ADGRL3: variants seen among roughly 807,000 people sequenced by gnomAD.
ADGRL3 encodes calcium-independent alpha-latrotoxin receptor 3.
ADGRL3 carries 62 observed loss-of-function variants against 153.5 expected under a neutral mutation model. The ratio of observed to expected loss-of-function variants is 0.40; its 90% confidence interval spans 0.33 to 0.50. The LOEUF is 0.50. Ranked by LOEUF, ADGRL3 falls within the 20% of genes least tolerant of loss-of-function variation. The pLI is 0.47. For missense variants in ADGRL3, 1,641 were observed against 1,859.4 expected (o/e 0.88, Z 2.16); for synonymous variants, 710 against 672.5 (o/e 1.06, Z -0.86).
At chr4:61,967,328 A>G (rs1276779564) in intron 17 of ADGRL3, among the ~76,000 whole-genome samples, 2 of 152,186 alleles carry the variant, frequency 1.3e-5, no homozygotes, top group African/African-American at 4.8e-5. Flanking sequence ...ATTTAATAAA[A>G]TAACTATGGC....
rs112855067 is a variant in ADGRL3 at position 61,389,217 on chromosome 4, C to A, written c.-174+6028C>A. Among the ~76,000 whole-genome samples, 868 of 152,184 alleles carry A rather than the reference C, an allele frequency of 5.7e-3. 6 individuals are homozygous for A. Among genetic ancestry groups the A allele is most frequent in the African/African-American group, 0.02 (823 of 41,502 alleles). Reference sequence around the variant, plus strand: ...ATGAGAAAGATCCAGTTTAACACAACAACAATGGGGATTGAGTGGGAGTAA... The same window carrying A: ...ATGAGAAAGATCCAGTTTAACACAAAAACAATGGGGATTGAGTGGGAGTAA... On this transcript the variant is annotated intron_variant, in intron 2 of 26. Transcript: ENST00000683033.
At chr4:61,558,853 A>G (rs1212497679) in intron 4 of ADGRL3, among the ~76,000 whole-genome samples, 2 of 152,044 alleles carry the variant, frequency 1.3e-5, no homozygotes, top group African/African-American at 2.4e-5. Context: ...ATCATTTTCT[A>G]GGCCACAAAG....
chr4:61,992,770 G>A lies in ADGRL3; in HGVS notation c.3237-3521G>A, dbSNP rs538695509. The stretch of plus-strand genomic sequence containing the variant: ...ATTTTGAAATGCTCCTTTACATTTA[G>A]AAAAGATCACTATGCCAAAAGCACA... On this transcript the variant is annotated intron_variant, in intron 19 of 26. Coordinates refer to ENST00000683033, the MANE Select transcript of ADGRL3 (RefSeq NM_001387552.1). Among the ~76,000 whole-genome samples, 235 of 152,134 alleles carry A rather than the reference G, an allele frequency of 1.5e-3. 2 individuals are homozygous for A. Among genetic ancestry groups the A allele is most frequent in the African/African-American group, 5.5e-3 (229 of 41,524 alleles).
intron 1 of ADGRL3, among the ~76,000 whole-genome samples, chr4:61,287,935 T>A (rs1418151284): frequency 1.3e-5 from 2 of 152,000 alleles, no homozygotes; most frequent in Non-Finnish European, 2.9e-5. Context: ...TGAGCGGGCC[T>A]TAGCTTAAAG....
At chr4:61,503,211 TA>T (rs892871399) in intron 3 of ADGRL3, among the ~76,000 whole-genome samples, 38 of 152,022 alleles carry the variant, frequency 2.5e-4, no homozygotes, top group African/African-American at 8.9e-4. Flanking sequence ...AATTGGAAAA[TA>T]ATTTTTTTTT....
intron 21 of ADGRL3, among the ~76,000 whole-genome samples, chr4:62,002,224 G>A (rs536268136): frequency 1.6e-4 from 23 of 147,866 alleles, no homozygotes; most frequent in African/African-American, 5.8e-4. Flanking sequence ...CTGAAGGTCG[G>A]ACTTCCTGCC....
At chr4:61,513,145 T>C (rs1021333721) in intron 3 of ADGRL3, among the ~76,000 whole-genome samples, 11 of 152,172 alleles carry the variant, frequency 7.2e-5, no homozygotes, top group African/African-American at 2.4e-4. Flanking sequence ...CTCACTGTTA[T>C]GATTAATAGC....
intron 17 of ADGRL3, among the ~76,000 whole-genome samples, chr4:61,964,502 A>G (rs1215769515): frequency 6.6e-6 from 1 of 152,044 alleles, no homozygotes. Flanking sequence ...TTTAGAAGTG[A>G]CAGACTCTTT....
chr4:61,330,700 C>T (rs1465272201), intron 1 of ADGRL3, among the ~76,000 whole-genome samples: 2 of 152,056 alleles, frequency 1.3e-5, no homozygotes, highest in African/African-American at 2.4e-5. Flanking sequence ...TTGTAAAGAG[C>T]GAAAGAACAA....
In ADGRL3 at chr4:61,587,366, T is replaced by C; in HGVS notation, c.399T>C (p.Ile133=). Residue 133 remains isoleucine, a synonymous_variant, in exon 5 of 27, where the codon ATT becomes ATC. Coordinates refer to ENST00000683033, the MANE Select transcript of ADGRL3 (RefSeq NM_001387552.1). The part of the protein sequence containing the change: ...SANYGRTDDK[I]CDSDPAQMEN... ...ACTATGGCAGGACTGATGACAAAATTTGTGACTCTGACCCTGCTCAGATGG... is the reference window on the plus strand; with the variant it reads ...ACTATGGCAGGACTGATGACAAAATCTGTGACTCTGACCCTGCTCAGATGG... The C allele has an allele frequency of 1.9e-6, 3 of 1,612,562 alleles. No homozygotes were observed. Among genetic ancestry groups the C allele is most frequent in the South Asian group, 2.2e-5 (2 of 91,046 alleles).
chr4:61,570,694 AT>A (rs1278895102), intron 4 of ADGRL3, among the ~76,000 whole-genome samples: 1 of 151,976 alleles, frequency 6.6e-6, no homozygotes, highest in South Asian at 2.1e-4. Flanking sequence ...AGTAGAGGGA[AT>A]TTTTTTTCCA....
chr4:61,876,248 A>G (rs1264170412), intron 9 of ADGRL3, among the ~76,000 whole-genome samples: 6 of 151,660 alleles, frequency 4.0e-5, no homozygotes, highest in African/African-American at 1.2e-4. Context: ...TGGATGCTCA[A>G]TATTACAGTA....
chr4:61,999,584 G>A (rs1325062696), intron 21 of ADGRL3, among the ~76,000 whole-genome samples: 1 of 152,100 alleles, frequency 6.6e-6, no homozygotes, highest in African/African-American at 2.4e-5. Context: ...GTTTCATGAG[G>A]TAATCTGTGA....
rs749407467 is a variant in ADGRL3, at chr4:61,676,819, A to C, written c.474-7A>C. The C allele has an allele frequency of 1.9e-6, 3 of 1,596,758 alleles. No individual in the cohort carries two copies. The highest frequency in any genetic ancestry group is 2.2e-5 in the South Asian group (2 of 90,700). On this transcript the variant is annotated splice_polypyrimidine_tract_variant and splice_region_variant and intron_variant, in intron 5 of 26. Transcript: ENST00000683033. ...TTACTACTTCTTTTCCTTTCTTTTGACTTCAGATGCAATAACAGAACCCAG... is the reference window on the plus strand; with the variant it reads ...TTACTACTTCTTTTCCTTTCTTTTGCCTTCAGATGCAATAACAGAACCCAG...
intron 2 of ADGRL3, among the ~76,000 whole-genome samples, chr4:61,473,720 C>A (rs1262119058): frequency 1.3e-5 from 2 of 151,894 alleles, no homozygotes; most frequent in South Asian, 2.1e-4. Flanking sequence ...ATATTTTCAG[C>A]CTTTTAAAAA....
chr4:61,358,313 T>C (rs994340955), intron 1 of ADGRL3, among the ~76,000 whole-genome samples: 6 of 152,112 alleles, frequency 3.9e-5, no homozygotes, highest in African/African-American at 9.7e-5. Context: ...AAGCAGACCA[T>C]TGGGCCGGGA....
intron 6 of ADGRL3, among the ~76,000 whole-genome samples, chr4:61,697,981 A>G (rs1197514592): frequency 1.3e-5 from 2 of 152,196 alleles, no homozygotes; most frequent in African/African-American, 4.8e-5. Context: ...ACTTAGAATC[A>G]GGAAATACTG....
rs1418672399 is a variant in ADGRL3 at position 62,068,665 on chromosome 4, C to G, written c.3832+482C>G. On this transcript the variant is annotated intron_variant, in intron 26 of 26. Transcript: ENST00000683033. ...ATAGCAGCTTCTGCAAAAGCTATCA[C>G]CCATCACATACAGCCCTTTAAGAAG... Among the ~76,000 whole-genome samples the G allele has an allele frequency of 1.1e-4, 16 of 152,272 alleles. No individual in the cohort carries two copies. The East Asian group carries it at 3.1e-3, about 29-fold the overall frequency.
intron 2 of ADGRL3, among the ~76,000 whole-genome samples, chr4:61,402,435 A>G (rs17238975): frequency 0.29 from 43,654 of 152,028 alleles, 7,364 homozygotes; most frequent in Admixed American, 0.41. Flanking sequence ...AGGTTCAATA[A>G]GTAGCACTGT....
Sources: allele counts gnomAD v4.1 joint callset (sites outside exome capture counted in the v4.1 genomes callset), GRCh38; gene constraint gnomAD v4.1.1; transcripts MANE v1.5; gene names NCBI Gene and HGNC (gene_info 2026-07-23, HGNC 2026-07-21).